Variants in LRRC31 observed in about 807,000 individuals in gnomAD.
The protein encoded by LRRC31 is leucine rich repeat containing 31, also known as leucine-rich repeat-containing protein 31.
In LRRC31, 35 loss-of-function variants were observed where a neutral mutation model predicts 46.7. The ratio of observed to expected loss-of-function variants is 0.75; its 90% CI spans 0.57 to 0.99. The LOEUF is 0.99. Among genes scored for constraint, LRRC31 ranks in the 50% least tolerant of loss-of-function variants. The pLI is 0.00. For missense variants in LRRC31, 613 were observed against 626.1 expected, an observed-to-expected ratio of 0.98 and a Z score of 0.22; for synonymous variants, 236 against 235.1, an observed-to-expected ratio of 1.00 and a Z score of -0.03.
At chr3:169,867,412 C>A (rs977435493) in intron 1 of LRRC31, among the ~76,000 whole-genome samples, 1 of 151,958 alleles carries the variant, frequency 6.6e-6, no homozygotes, top group African/African-American at 2.4e-5. Context: ...CACCTGCTAC[C>A]ACACCCGGCT....
At position 169,861,182 on chromosome 3, in the gene LRRC31, C is replaced by T. The variant is rs533595641; in HGVS notation, c.320-454G>A. Among the ~76,000 whole-genome samples the T allele has an allele frequency of 2.7e-3, 411 of 150,600 alleles. 1 individual carries two copies. The highest frequency in any genetic ancestry group is 5.2e-3 in the Non-Finnish European group (351 of 67,774). On this transcript the variant is annotated intron_variant, in intron 2 of 8. Coordinates refer to ENST00000316428, the MANE Select transcript of LRRC31 (RefSeq NM_024727.4). ...CCTCCCAGGTTCAAGTAATTCTCTG[C>T]CTCAGCCTCCCGAGTGGCTGGGATT...
intron 8 of LRRC31, among the ~76,000 whole-genome samples, chr3:169,847,320 G>C (rs1780635575): frequency 6.6e-6 from 1 of 152,142 alleles, no homozygotes; most frequent in African/African-American, 2.4e-5. Context: ...CGAGTAGCTG[G>C]GATTACAGGC....
chr3:169,844,749 T>C (rs1780552882), intron 8 of LRRC31, among the ~76,000 whole-genome samples: 1 of 152,042 alleles, frequency 6.6e-6, no homozygotes, highest in African/African-American at 2.4e-5. Context: ...CTGACCAACA[T>C]GGTGAAACCC....
intron 2 of LRRC31, 106 bp downstream of exon 2, chr3:169,861,564 A>G: frequency 8.7e-7 from 1 of 1,151,416 alleles, no homozygotes; most frequent in Non-Finnish European, 1.2e-6. Flanking sequence ...GTCTGGGACC[A>G]CTCAGCAGAC....
chr3:169,847,222 G>T (rs1185864783), intron 8 of LRRC31, among the ~76,000 whole-genome samples: 1 of 152,200 alleles, frequency 6.6e-6, no homozygotes, highest in Non-Finnish European at 1.5e-5. Context: ...TTTCGCCCCT[G>T]CTGCCCAGGC....
chr3:169,868,497 C>T (rs1209225163), intron 1 of LRRC31, among the ~76,000 whole-genome samples: 2 of 152,142 alleles, frequency 1.3e-5, no homozygotes, highest in South Asian at 4.1e-4. Flanking sequence ...GAAGTTATAT[C>T]TGCATTTGGT....
chr3:169,849,461 A>G (rs930785989), intron 7 of LRRC31, among the ~76,000 whole-genome samples: 1 of 152,226 alleles, frequency 6.6e-6, no homozygotes, highest in Non-Finnish European at 1.5e-5. Flanking sequence ...TTAAAAAAAA[A>G]ATATTTTCCC....
At chr3:169,843,508 G>A (rs1780513744) in intron 8 of LRRC31, among the ~76,000 whole-genome samples, 1 of 152,176 alleles carries the variant, frequency 6.6e-6, no homozygotes, top group Non-Finnish European at 1.5e-5. Flanking sequence ...GGTGAGGGAT[G>A]AGAAATTACT....
rs200600705 is a variant in LRRC31 at position 169,840,131 on chromosome 3, G to A, written c.1510C>T (p.His504Tyr). Residue 504 changes from histidine (H) to tyrosine (Y), a missense_variant, in exon 9 of 9, where the codon CAC (histidine) becomes TAC (tyrosine). His to Tyr is a moderately conservative substitution (Grantham distance 83, BLOSUM62 2). Transcript: ENST00000316428. ...NFRDCGQWFR[H>Y]LLYAVTKLPQ... is the part of the protein sequence containing the mutation. ...AGCTTGGTCACAGCATATAACAAGT[G>A]TCTAAACCATTGTCCACAATCTCGA... 493 of 1,613,988 alleles carry A rather than the reference G, an allele frequency of 3.1e-4. No homozygotes were observed. Among genetic ancestry groups the A allele is most frequent in the Non-Finnish European group, 3.8e-4 (444 of 1,180,026 alleles).
In LRRC31 at chr3:169,867,038, G is replaced by GTTTTTTTTTTTTTTTT. The variant is rs1324128884; in HGVS notation, c.175+2594_175+2595insAAAAAAAAAAAAAAAA. ...GTCTCAGAAAGAAAATTGGCCATGG[G>GTTTTTTTTTTTTTTTT]TTTTTTTTGTTTGTTTGTTTGTTTT... On this transcript the variant is annotated intron_variant, in intron 1 of 8. Transcript: ENST00000316428. 7.9e-5 allele frequency among the ~76,000 whole-genome samples: 10 copies of GTTTTTTTTTTTTTTTT among 126,310 alleles called. 2 individuals are homozygous for GTTTTTTTTTTTTTTTT. The highest frequency in any genetic ancestry group is 4.1e-4 in the African/African-American group (9 of 22,220). 82.9% of individuals were successfully genotyped at this position (126,310 alleles called of 152,430 possible).
At chr3:169,847,979 C>T in intron 8 of LRRC31, 141 bp downstream of exon 8, 1 of 721,766 alleles carries the variant, frequency 1.4e-6, no homozygotes, top group Non-Finnish European at 2.2e-6. Flanking sequence ...GACCTCTCGG[C>T]AGATGTTGGT....
At chr3:169,841,689 A>G (rs1427757588) in intron 8 of LRRC31, among the ~76,000 whole-genome samples, 1 of 152,178 alleles carries the variant, frequency 6.6e-6, no homozygotes, top group Non-Finnish European at 1.5e-5. Flanking sequence ...CAACTTCAAC[A>G]TTATCTTCAT....
chr3:169,864,324 C>A (rs924957416), intron 1 of LRRC31, among the ~76,000 whole-genome samples: 1 of 152,216 alleles, frequency 6.6e-6, no homozygotes, highest in Admixed American at 6.5e-5. Context: ...AGGTCACCAA[C>A]AATAACCTAC....
At chr3:169,868,004 A>C (rs565812155) in intron 1 of LRRC31, among the ~76,000 whole-genome samples, 1 of 152,364 alleles carries the variant, frequency 6.6e-6, no homozygotes, top group African/African-American at 2.4e-5. Context: ...GCAACCATGA[A>C]AATTATGCAT....
At chr3:169,856,070 A>G (rs1420068679) in intron 5 of LRRC31, among the ~76,000 whole-genome samples, 1 of 151,766 alleles carries the variant, frequency 6.6e-6, no homozygotes, top group African/African-American at 2.4e-5. Context: ...TTTAGTAGAG[A>G]TGGGGTTTCA....
Position 169,855,522 on chromosome 3 carries a change from G to A in LRRC31, c.824-542C>T, listed in dbSNP as rs180757955. Among the ~76,000 whole-genome samples, 211 of 152,290 alleles carry A rather than the reference G, an allele frequency of 1.4e-3. 1 individual carries two copies. The highest frequency in any genetic ancestry group is 4.9e-3 in the African/African-American group (203 of 41,550). Reference sequence around the variant, plus strand: ...TCTCCTATTACACTTGAGCATTGGAGTTTACATAGATTTTTAGACTTATTC... The same window carrying A: ...TCTCCTATTACACTTGAGCATTGGAATTTACATAGATTTTTAGACTTATTC... On this transcript the variant is annotated intron_variant, in intron 5 of 8. Transcript: ENST00000316428.
chr3:169,851,271 G>C (rs1780755634), intron 7 of LRRC31, among the ~76,000 whole-genome samples: 1 of 152,048 alleles, frequency 6.6e-6, no homozygotes, highest in Non-Finnish European at 1.5e-5. Flanking sequence ...AAATTAGTCA[G>C]GTATGGTGAC....
chr3:169,861,070 CT>C (rs11337221), intron 2 of LRRC31, among the ~76,000 whole-genome samples: 41,362 of 124,710 alleles, frequency 0.33, 6,560 homozygotes, highest in East Asian at 0.63. Flanking sequence ...TTTTCTTTTC[CT>C]TTTTTTTTTT....
chr3:169,860,452 T>C, intron 3 of LRRC31, 109 bp downstream of exon 3: 2 of 1,132,840 alleles, frequency 1.8e-6, no homozygotes, highest in Non-Finnish European at 2.7e-6. Context: ...GTTCTCGAAC[T>C]CCTGAGCTCA....
Sources: allele counts gnomAD v4.1 joint callset (sites outside exome capture counted in the v4.1 genomes callset), GRCh38; gene constraint gnomAD v4.1.1; transcripts MANE v1.5; gene names NCBI Gene and HGNC (gene_info 2026-07-23, HGNC 2026-07-21).